Variants in BCL7C observed in about 807,000 individuals in gnomAD.
BCL7C encodes BAF chromatin remodeling complex subunit BCL7C, also known as B-cell CLL/lymphoma 7 protein family member C.
A neutral mutation model predicts 26.2 loss-of-function variants in BCL7C; 8 were observed. That is an observed-to-expected ratio of 0.30 (90% CI 0.18 to 0.55). BCL7C has a LOEUF of 0.55. Ranked by LOEUF, BCL7C falls within the 20% of genes least tolerant of loss-of-function variation. BCL7C has a pLI of 0.93. For synonymous variants in BCL7C, 90 were observed against 116.5 expected, an observed-to-expected ratio of 0.77 and a Z score of 1.47; for missense variants, 262 against 298.5, an observed-to-expected ratio of 0.88 and a Z score of 0.90.
At chr16:30,847,879 C>G (rs1368658513) in intron 5 of BCL7C, among the ~76,000 whole-genome samples, 1 of 151,652 alleles carries the variant, frequency 6.6e-6, no homozygotes, top group East Asian at 1.9e-4. Flanking sequence ...AGAAAATGAC[C>G]CAGCTTACAC....
intron 5 of BCL7C, among the ~76,000 whole-genome samples, chr16:30,846,289 G>T (rs567455765): frequency 6.7e-6 from 1 of 149,632 alleles, no homozygotes; most frequent in Non-Finnish European, 1.5e-5. Flanking sequence ...GCAGTGGCGC[G>T]ATCTCAGCTC....
In BCL7C at chr16:30,894,008, G is replaced by T; in HGVS notation, c.-64C>A. 1 of 847,422 alleles carries T rather than the reference G, an allele frequency of 1.2e-6. No homozygotes were observed. The highest frequency in any genetic ancestry group is 1.5e-6 in the Non-Finnish European group (1 of 675,180). 52.5% of individuals were successfully genotyped at this position (847,422 alleles called of 1,614,324 possible). The stretch of plus-strand genomic sequence containing the variant: ...GCCGCCTCCCGTCCGGCGGGCTCAG[G>T]CTCCGCGCCAGGCCCGGGCGCCGCG... On this transcript the variant is annotated 5_prime_UTR_variant, in exon 1 of 6. Transcript: ENST00000215115.
At chr16:30,847,698 A>G (rs768965621) in intron 5 of BCL7C, among the ~76,000 whole-genome samples, 6 of 152,168 alleles carry the variant, frequency 3.9e-5, no homozygotes, top group Non-Finnish European at 7.3e-5. Flanking sequence ...CAGGAGGCTG[A>G]GGCAGGAAAG....
chr16:30,851,764 C>G (rs2054676901), intron 5 of BCL7C: 4 of 465,928 alleles, frequency 8.6e-6, no homozygotes, highest in South Asian at 2.7e-5. Context: ...TTTTTTGGTG[C>G]AAGGTTGGCT....
chr16:30,893,000 C>T, intron 2 of BCL7C, 52 bp from the exon 3 acceptor site: 2 of 1,531,364 alleles, frequency 1.3e-6, no homozygotes, highest in Non-Finnish European at 1.8e-6. Flanking sequence ...CACCATACAC[C>T]TAAGGAAACT....
At chr16:30,843,203 T>C (rs947514367) in intron 5 of BCL7C, among the ~76,000 whole-genome samples, 6 of 152,032 alleles carry the variant, frequency 3.9e-5, no homozygotes, top group Non-Finnish European at 7.4e-5. Context: ...GACTCTTCTG[T>C]AGAATGAGAG....
intron 5 of BCL7C, among the ~76,000 whole-genome samples, chr16:30,871,710 C>T (rs2054883987): frequency 6.6e-6 from 1 of 152,134 alleles, no homozygotes; most frequent in Non-Finnish European, 1.5e-5. Flanking sequence ...GTCTTGAACT[C>T]CTGACCTCAG....
intron 5 of BCL7C, chr16:30,851,108 G>A (rs1270770638): frequency 8.0e-6 from 2 of 250,380 alleles, no homozygotes; most frequent in Non-Finnish European, 1.6e-5. Flanking sequence ...GCGAACTCTT[G>A]GAAAGCATTT....
In BCL7C at chr16:30,892,604, G is replaced by T; in HGVS notation, c.424C>A (p.Arg142=). 1 of 1,580,810 alleles carries T rather than the reference G, an allele frequency of 6.3e-7. No homozygotes were observed. The highest frequency in any genetic ancestry group is 8.6e-7 in the Non-Finnish European group (1 of 1,167,550). ...GTCCTACCTCTCTCTTGGCCCAGCCGTGGGGGCTGAGCCTCCTCAGGGACC... is the reference window on the plus strand; with the variant it reads ...GTCCTACCTCTCTCTTGGCCCAGCCTTGGGGGCTGAGCCTCCTCAGGGACC... ...EGVPEEAQPP[R]LGQERDPGGI... Residue 142 remains arginine, a synonymous_variant, in exon 4 of 6, where the codon CGG becomes AGG. Transcript: ENST00000215115.
intron 5 of BCL7C, among the ~76,000 whole-genome samples, chr16:30,871,900 C>A (rs2054885521): frequency 6.6e-6 from 1 of 152,112 alleles, no homozygotes; most frequent in South Asian, 2.1e-4. Context: ...TCTGGAGGTG[C>A]TTAGCCTCAA....
chr16:30,866,547 A>T (rs2054830847), intron 5 of BCL7C, among the ~76,000 whole-genome samples: 1 of 149,056 alleles, frequency 6.7e-6, no homozygotes. Flanking sequence ...ACTGCACTCC[A>T]GCCTGGCCAA....
intron 5 of BCL7C, among the ~76,000 whole-genome samples, chr16:30,861,365 C>T (rs973977993): frequency 6.6e-6 from 1 of 152,148 alleles, no homozygotes; most frequent in South Asian, 2.1e-4. Flanking sequence ...CACACAAGAA[C>T]TTCCAAACGC....
chr16:30,882,023 C>T (rs1337311503), intron 5 of BCL7C, among the ~76,000 whole-genome samples: 1 of 151,216 alleles, frequency 6.6e-6, no homozygotes, highest in Non-Finnish European at 1.5e-5. Context: ...TGCAGTGGTG[C>T]GATCTCGGCT....
intron 5 of BCL7C, among the ~76,000 whole-genome samples, chr16:30,866,388 C>T (rs905642782): frequency 6.6e-5 from 10 of 151,706 alleles, no homozygotes; most frequent in South Asian, 4.2e-4. Context: ...ACCAGCCTGG[C>T]GAACATGGTG....
In BCL7C at chr16:30,893,106, C is replaced by T; in HGVS notation, c.171+106G>A. 7.7e-7 allele frequency: 1 copy of T among 1,306,558 alleles called. No homozygotes were observed. The highest frequency in any genetic ancestry group is 1.1e-6 in the Non-Finnish European group (1 of 927,010). 80.9% of individuals were successfully genotyped at this position (1,306,558 alleles called of 1,614,324 possible). ...CTGCTAATGATGGTTCCCGTCTGTC[C>T]TGCTGCATCTGAGGTCTCGGGGAGC... On this transcript the variant is annotated intron_variant, in intron 2 of 5. Coordinates refer to ENST00000215115, the MANE Select transcript of BCL7C (RefSeq NM_004765.4). The surrounding 1 kb of genome is among the most constrained non-coding windows in gnomAD (Gnocchi z 5.2).
At chr16:30,874,268 T>C (rs944920022) in intron 5 of BCL7C, among the ~76,000 whole-genome samples, 43 of 151,970 alleles carry the variant, frequency 2.8e-4, no homozygotes, top group African/African-American at 9.7e-4. Flanking sequence ...AGTGCTAGGA[T>C]TACAGGCGTG....
rs377732864 is a variant in BCL7C, at chr16:30,893,612, G to A, written c.92+241C>T. Among the ~76,000 whole-genome samples, 1 of 152,048 alleles carries A rather than the reference G, an allele frequency of 6.6e-6. No individual in the cohort carries two copies. The highest frequency in any genetic ancestry group is 1.5e-5 in the Non-Finnish European group (1 of 67,982). ...GCGCACCTGCAGGAGGGGTGTCAAA[G>A]CTTTAGGGGGCGGGGCACAAGAGGG... is the stretch of plus-strand genomic sequence containing the variant. On this transcript the variant is annotated intron_variant, in intron 1 of 5. Coordinates refer to ENST00000215115, the MANE Select transcript of BCL7C (RefSeq NM_004765.4). This position sits in a 1 kb window ranked among gnomAD's most constrained non-coding sequence, Gnocchi z 5.2.
At chr16:30,887,661 C>G (rs534802757), downstream of BCL7C, 73 of 784,994 alleles carry the variant, frequency 9.3e-5, no homozygotes, top group African/African-American at 1.2e-3. Context: ...GCCCCCACCC[C>G]ACTCTGCCTT....
In BCL7C at chr16:30,873,681, T is replaced by A. The variant is rs1367142018; in HGVS notation, c.528+15179A>T. ...GCCTGGGCAACATAGCAAAACCCTG[T>A]CTCTACTAAAAATACAAAAATTACC... On this transcript the variant is annotated intron_variant, in intron 5 of 5. Transcript: ENST00000380317. Among the ~76,000 whole-genome samples the A allele has an allele frequency of 2.0e-5, 3 of 151,366 alleles. No homozygotes were observed. In the East Asian group the frequency reaches 5.9e-4, roughly 30 times the overall value.
Sources: gnomAD v4.1 joint callset for allele counts (sites outside exome capture counted in the v4.1 genomes callset) on GRCh38, gnomAD v4.1.1 for gene constraint, Gnocchi (gnomAD v3.1) non-coding constraint, MANE v1.5 for transcripts, NCBI Gene and HGNC (gene_info 2026-07-23, HGNC 2026-07-21) for gene names.